Variants in CTNNA3 observed in about 807,000 individuals in gnomAD.
CTNNA3 encodes catenin alpha-3.
CTNNA3 carries 76 observed loss-of-function variants against 95.7 expected under a neutral mutation model. That is an observed-to-expected ratio of 0.79 (90% CI 0.66 to 0.96). The LOEUF is 0.96. CTNNA3 is among the 40% of genes least tolerant of loss of function. The probability of loss-of-function intolerance (pLI) is 0.00; values close to 1 mark genes in which losing one functional copy is unlikely to be tolerated. For missense variants in CTNNA3, 1,191 were observed against 1,089.8 expected (o/e 1.09, Z -1.31); for synonymous variants, 431 against 374.4 (o/e 1.15, Z -1.74).
At chr10:66,254,450 C>T (rs1363264646) in intron 13 of CTNNA3, among the ~76,000 whole-genome samples, 1 of 152,074 alleles carries the variant, frequency 6.6e-6, no homozygotes, top group Non-Finnish European at 1.5e-5. Flanking sequence ...TTCAAAATAC[C>T]CTTAAGCTCC....
chr10:67,411,311 T>C (rs1845359356), intron 5 of CTNNA3, among the ~76,000 whole-genome samples: 1 of 152,170 alleles, frequency 6.6e-6, no homozygotes, highest in Non-Finnish European at 1.5e-5. Context: ...TTGTATGCCA[T>C]AAATATATAC....
At chr10:67,701,918 A>G (rs899646015) in intron 1 of CTNNA3, among the ~76,000 whole-genome samples, 14 of 152,258 alleles carry the variant, frequency 9.2e-5, no homozygotes, top group African/African-American at 2.9e-4. Context: ...TCAAAATAAA[A>G]GGATGGAGGA....
chr10:66,302,972 A>C (rs2091884266), intron 12 of CTNNA3, among the ~76,000 whole-genome samples: 1 of 152,184 alleles, frequency 6.6e-6, no homozygotes, highest in Non-Finnish European at 1.5e-5. Flanking sequence ...GGGAAATTAG[A>C]TATAAGCTTC....
At chr10:67,102,673 A>G (rs1236907989) in intron 7 of CTNNA3, among the ~76,000 whole-genome samples, 1 of 151,892 alleles carries the variant, frequency 6.6e-6, no homozygotes, top group African/African-American at 2.4e-5. Context: ...TTTCAAATGT[A>G]TCAAGAGACC....
intron 7 of CTNNA3, among the ~76,000 whole-genome samples, chr10:67,142,342 T>A (rs1325312806): frequency 3.9e-5 from 6 of 152,026 alleles, no homozygotes; most frequent in African/African-American, 9.6e-5. Flanking sequence ...AAAAAAAAAA[T>A]TTTTTTAATG....
chr10:67,223,521 A>G (rs555101767), intron 5 of CTNNA3, among the ~76,000 whole-genome samples: 1 of 152,338 alleles, frequency 6.6e-6, no homozygotes, highest in East Asian at 1.9e-4. Flanking sequence ...GGAGATTTCC[A>G]AGTTAAGAAG....
chr10:66,176,980 TTAAAAGGAACTCTTGAACTTAGAGAAC>T (rs2085747188), intron 13 of CTNNA3, among the ~76,000 whole-genome samples: 1 of 152,022 alleles, frequency 6.6e-6, no homozygotes, highest in Admixed American at 6.6e-5. Context: ...GTGTTCTTAC[TTAAAAGGAACTCTTGAACTTAGAGAAC>T]TAAGCGAAGG....
intron 2 of CTNNA3, among the ~76,000 whole-genome samples, chr10:67,613,188 C>T (rs1843522394): frequency 6.6e-6 from 1 of 152,108 alleles, no homozygotes; most frequent in Non-Finnish European, 1.5e-5. Context: ...GGGTGACTCC[C>T]TCCCCTCACA....
chr10:66,604,580 C>A (rs982669387), intron 10 of CTNNA3, among the ~76,000 whole-genome samples: 1 of 152,048 alleles, frequency 6.6e-6, no homozygotes, highest in Admixed American at 6.5e-5. Context: ...TCTGGGAGTA[C>A]CTCGGCCCCC....
At chr10:67,369,962 T>C (rs78713990) in intron 5 of CTNNA3, among the ~76,000 whole-genome samples, 1,546 of 152,294 alleles carry the variant, frequency 0.01, 26 homozygotes, top group African/African-American at 0.035. Flanking sequence ...GAATTTATCC[T>C]ACAAATAACA....
chr10:67,528,663 T>C (rs1045695282), intron 4 of CTNNA3, among the ~76,000 whole-genome samples: 21 of 152,346 alleles, frequency 1.4e-4, no homozygotes, highest in Middle Eastern at 6.8e-3. Context: ...AATAACATAT[T>C]GTTAATTTAC....
At chr10:65,926,545 T>C (rs1162396723) in intron 17 of CTNNA3, among the ~76,000 whole-genome samples, 1 of 151,860 alleles carries the variant, frequency 6.6e-6, no homozygotes, top group Non-Finnish European at 1.5e-5. Context: ...GGTTCAATTT[T>C]GGCTCACTGC....
At chr10:67,321,668 C>T (rs2620919) in intron 5 of CTNNA3, among the ~76,000 whole-genome samples, 115,825 of 152,086 alleles carry the variant, frequency 0.76, 48,523 homozygotes, top group East Asian at 0.92. Flanking sequence ...TCAAATGCTG[C>T]CATAACTTTA....
intron 1 of CTNNA3, among the ~76,000 whole-genome samples, chr10:67,754,606 T>C (rs1841423718): frequency 6.6e-6 from 1 of 152,126 alleles, no homozygotes; most frequent in South Asian, 2.1e-4. Context: ...ATTGGGGAAA[T>C]GCTCCAGGAC....
intron 13 of CTNNA3, among the ~76,000 whole-genome samples, chr10:66,227,053 T>A (rs2089327911): frequency 6.6e-6 from 1 of 152,104 alleles, no homozygotes; most frequent in Admixed American, 6.6e-5. Context: ...TTTAAAGAGA[T>A]AGGGTCTCAC....
intron 7 of CTNNA3, among the ~76,000 whole-genome samples, chr10:67,179,304 A>T (rs1862391137): frequency 1.3e-5 from 2 of 151,826 alleles, no homozygotes; most frequent in South Asian, 4.1e-4. Context: ...TTGAAAATAT[A>T]TTCAAGATTT....
chr10:67,720,779 C>T (rs1056440549), intron 1 of CTNNA3, among the ~76,000 whole-genome samples: 6 of 152,022 alleles, frequency 3.9e-5, no homozygotes, highest in Non-Finnish European at 7.4e-5. Context: ...CATGGTGAAA[C>T]CCTGTCTCTA....
intron 13 of CTNNA3, among the ~76,000 whole-genome samples, chr10:66,218,239 A>G (rs117115934): frequency 2.6e-5 from 4 of 152,280 alleles, no homozygotes; most frequent in Non-Finnish European, 4.4e-5. Flanking sequence ...AATATTTTCA[A>G]TATGGTCCCC....
intron 6 of CTNNA3, among the ~76,000 whole-genome samples, chr10:67,193,065 TA>T (rs1863191403): frequency 6.7e-6 from 1 of 149,988 alleles, no homozygotes; most frequent in Non-Finnish European, 1.5e-5. Flanking sequence ...TGATTTTACA[TA>T]AATCATAAAA....
Sources: gnomAD v4.1 joint callset for allele counts (sites outside exome capture counted in the v4.1 genomes callset) on GRCh38, gnomAD v4.1.1 for gene constraint, MANE v1.5 for transcripts, NCBI Gene and HGNC (gene_info 2026-07-23, HGNC 2026-07-21) for gene names.